MAML2: variants seen among roughly 807,000 people sequenced by gnomAD.
MAML2 encodes mastermind like transcriptional coactivator 2, also known as mastermind-like protein 2.
MAML2 carries 22 observed loss-of-function variants against 96.1 expected under a neutral mutation model. The ratio of observed to expected loss-of-function variants is 0.23; its 90% CI spans 0.16 to 0.33. MAML2 has a LOEUF of 0.33. Ranked by LOEUF, MAML2 falls within the 10% of genes least tolerant of loss-of-function variation. The pLI, the probability that MAML2 is intolerant of heterozygous loss-of-function variation, is 1.00. For missense variants in MAML2, 1,367 were observed against 1,392.4 expected (o/e 0.98, Z 0.29); for synonymous variants, 561 against 521.3 (o/e 1.08, Z -1.04).
intron 2 of MAML2, among the ~76,000 whole-genome samples, chr11:96,085,310 C>T (rs982403317): frequency 5.9e-5 from 9 of 152,122 alleles, no homozygotes; most frequent in African/African-American, 2.2e-4. Context: ...CCCAGAACTC[C>T]TTATAGTAAA....
chr11:96,140,012 G>A (rs904254187), intron 1 of MAML2, among the ~76,000 whole-genome samples: 3 of 152,180 alleles, frequency 2.0e-5, no homozygotes, highest in Non-Finnish European at 2.9e-5. Context: ...CCATCAGAAC[G>A]AAAAGTTCTC....
At chr11:96,100,419 C>T (rs1048259971) in intron 1 of MAML2, among the ~76,000 whole-genome samples, 2 of 151,108 alleles carry the variant, frequency 1.3e-5, no homozygotes, top group Non-Finnish European at 3.0e-5. Context: ...ATGTGATTCT[C>T]CTGCCTCAGC....
chr11:96,080,924 T>C (rs1032049258), intron 2 of MAML2, among the ~76,000 whole-genome samples: 1 of 152,198 alleles, frequency 6.6e-6, no homozygotes, highest in Non-Finnish European at 1.5e-5. Flanking sequence ...TTTTACATAA[T>C]GCATGGGTTT....
intron 1 of MAML2, among the ~76,000 whole-genome samples, chr11:96,302,922 T>C (rs1251581100): frequency 6.6e-6 from 1 of 152,226 alleles, no homozygotes; most frequent in Non-Finnish European, 1.5e-5. Context: ...CAAGGGCTAC[T>C]ATTATTTAAC....
intron 1 of MAML2, among the ~76,000 whole-genome samples, chr11:96,265,659 C>T (rs560097166): frequency 7.9e-5 from 12 of 152,280 alleles, no homozygotes; most frequent in South Asian, 2.1e-4. Flanking sequence ...AGCAGCTGGA[C>T]GTGGAGAGGA....
At chr11:96,234,266 A>G (rs1378806995) in intron 1 of MAML2, among the ~76,000 whole-genome samples, 1 of 152,094 alleles carries the variant, frequency 6.6e-6, no homozygotes, top group African/African-American at 2.4e-5. Flanking sequence ...CGGGTCACCT[A>G]AGGTCAGGAG....
intron 1 of MAML2, among the ~76,000 whole-genome samples, chr11:96,098,192 G>A (rs1859864587): frequency 6.6e-6 from 1 of 152,220 alleles, no homozygotes; most frequent in Non-Finnish European, 1.5e-5. Flanking sequence ...GATGGTGAAA[G>A]TTCAGGCCAT....
At chr11:96,322,501 G>C (rs949596284) in intron 1 of MAML2, among the ~76,000 whole-genome samples, 2 of 152,148 alleles carry the variant, frequency 1.3e-5, no homozygotes, top group African/African-American at 4.8e-5. Context: ...GACCATCCTG[G>C]CTAACACGGT....
At chr11:96,258,146 C>T (rs575378583) in intron 1 of MAML2, among the ~76,000 whole-genome samples, 22 of 152,190 alleles carry the variant, frequency 1.4e-4, no homozygotes, top group Non-Finnish European at 3.2e-4. Flanking sequence ...GTGGCTTTAA[C>T]AACAACCATG....
intron 1 of MAML2, among the ~76,000 whole-genome samples, chr11:96,161,413 TC>T (rs1489756120): frequency 6.6e-6 from 1 of 152,208 alleles, no homozygotes; most frequent in Non-Finnish European, 1.5e-5. Flanking sequence ...ACAGCCCGGA[TC>T]TTTTTCAGTC....
At chr11:96,250,105 G>A (rs765769451) in intron 1 of MAML2, among the ~76,000 whole-genome samples, 3 of 152,004 alleles carry the variant, frequency 2.0e-5, no homozygotes, top group Admixed American at 6.6e-5. Context: ...CTGCAGGCCC[G>A]CTCTGCATGA....
chr11:96,077,219 C>CT lies in MAML2; in HGVS notation c.2139+14672dup, dbSNP rs371672772. Among the ~76,000 whole-genome samples the CT allele has an allele frequency of 3.4e-3, 319 of 94,122 alleles. 4 individuals carry two copies. Among genetic ancestry groups the CT allele is most frequent in the African/African-American group, 0.01 (236 of 22,828 alleles). 61.7% of individuals were successfully genotyped at this position (94,122 alleles called of 152,430 possible). A position where few individuals can be genotyped will look rare whatever the true frequency, so the allele number is the denominator to read the frequency against. On this transcript the variant is annotated intron_variant, in intron 2 of 4. Transcript: ENST00000524717. ...GACTTTTTACCCCAACTCTCTCTCT[C>CT]TTTTTTTTTTTTTTTTTTTTAAAGA...
At chr11:96,309,436 C>G (rs1863507205) in intron 1 of MAML2, among the ~76,000 whole-genome samples, 1 of 152,168 alleles carries the variant, frequency 6.6e-6, no homozygotes, top group African/African-American at 2.4e-5. Context: ...AACCCAGTAG[C>G]AGGATTGCTA....
chr11:96,160,662 A>G (rs1861089355), intron 1 of MAML2, among the ~76,000 whole-genome samples: 1 of 152,254 alleles, frequency 6.6e-6, no homozygotes, highest in African/African-American at 2.4e-5. Context: ...TCCTGACCTC[A>G]GGTGATCCGC....
chr11:96,015,584 A>AGGGG (rs796502726), intron 2 of MAML2, among the ~76,000 whole-genome samples: 8 of 55,264 alleles, frequency 1.4e-4, no homozygotes, highest in Admixed American at 2.6e-4. Flanking sequence ...AAAAAAAAAA[A>AGGGG]GGGGGGGGGG....
chr11:96,274,273 C>T (rs540661048), intron 1 of MAML2, among the ~76,000 whole-genome samples: 2 of 151,766 alleles, frequency 1.3e-5, no homozygotes, highest in Non-Finnish European at 2.9e-5. Context: ...TTAGTAGAGA[C>T]GGGGTTTCAC....
intron 1 of MAML2, among the ~76,000 whole-genome samples, chr11:96,325,338 G>T (rs1265842399): frequency 1.3e-5 from 2 of 152,108 alleles, no homozygotes; most frequent in Non-Finnish European, 2.9e-5. Flanking sequence ...TTAAACGAGG[G>T]TAGTAATACT....
intron 1 of MAML2, among the ~76,000 whole-genome samples, chr11:96,250,984 T>G (rs1248342838): frequency 1.3e-5 from 2 of 151,490 alleles, no homozygotes; most frequent in Non-Finnish European, 2.9e-5. Context: ...TTTGGTTGAT[T>G]TGTGGAGTGA....
intron 1 of MAML2, among the ~76,000 whole-genome samples, chr11:96,158,297 G>C (rs1048004873): frequency 4.6e-5 from 7 of 152,192 alleles, no homozygotes; most frequent in African/African-American, 1.7e-4. Context: ...GGACCACCCA[G>C]TTGTCCTTCT....
Sources: gnomAD v4.1 joint callset for allele counts (sites outside exome capture counted in the v4.1 genomes callset) on GRCh38, gnomAD v4.1.1 for gene constraint, MANE v1.5 for transcripts, NCBI Gene and HGNC (gene_info 2026-07-23, HGNC 2026-07-21) for gene names.